Variants in NCOR1 observed in about 807,000 individuals in gnomAD.
NCOR1 encodes nuclear receptor corepressor 1.
NCOR1 carries 63 observed loss-of-function variants against 288.1 expected under a neutral mutation model. That is an observed-to-expected ratio of 0.22 (90% confidence interval 0.18 to 0.27). NCOR1 has a LOEUF of 0.27. NCOR1 is among the 10% of genes least tolerant of loss of function. The pLI, the probability that NCOR1 is intolerant of heterozygous loss-of-function variation, is 1.00. For synonymous variants in NCOR1, 1,007 were observed against 1,065.9 expected (o/e 0.94, Z 1.08); for missense variants, 2,397 against 3,019.2 (o/e 0.79, Z 4.83).
At position 16,039,422 on chromosome 17, in the gene NCOR1, G is replaced by A. The variant is rs1289036454; in HGVS notation, c.6955+11C>T. The A allele has an allele frequency of 1.2e-6, 2 of 1,609,414 alleles. No homozygotes were observed. The highest frequency in any genetic ancestry group is 1.7e-5 in the Admixed American group (1 of 59,886). On this transcript the variant is annotated intron_variant, in intron 44 of 45. Transcript: ENST00000268712. ...AAAAGCAGCAGAAAAGCACTAAAAT[G>A]AAAGCTGTACCTGAATGAGGTGATG...
chr17:16,119,143 G>C (rs1347064272), intron 17 of NCOR1, among the ~76,000 whole-genome samples: 1 of 152,144 alleles, frequency 6.6e-6, no homozygotes, highest in Non-Finnish European at 1.5e-5. Flanking sequence ...CTAAAAAAGT[G>C]AAAACGACCT....
At chr17:16,092,138 T>C (rs1330745305) in intron 21 of NCOR1, 80 bp from the exon 22 acceptor site, 72 of 1,472,706 alleles carry the variant, frequency 4.9e-5, no homozygotes, top group Non-Finnish European at 2.8e-6. Flanking sequence ...GTAATGCTTA[T>C]TTCTGTCATG....
chr17:16,181,212 T>TGC (rs1491102678), intron 3 of NCOR1, among the ~76,000 whole-genome samples: 3 of 38,566 alleles, frequency 7.8e-5, no homozygotes, highest in African/African-American at 1.1e-4. Context: ...TATATATGTA[T>TGC]GTGTGTGTGT....
intron 1 of NCOR1, among the ~76,000 whole-genome samples, chr17:16,202,410 A>G (rs1402169030): frequency 1.3e-5 from 2 of 152,060 alleles, no homozygotes; most frequent in East Asian, 3.9e-4. Context: ...CAAAAAAAAA[A>G]AAAAAGAACA....
Position 16,127,358 on chromosome 17 carries a change from T to A in NCOR1, c.1510-1152A>T, listed in dbSNP as rs1474889487. Among the ~76,000 whole-genome samples, 2 of 141,816 alleles carry A rather than the reference T, an allele frequency of 1.4e-5. 1 individual carries two copies. Among genetic ancestry groups the A allele is most frequent in the Non-Finnish European group, 3.0e-5 (2 of 65,886 alleles). 93.0% of individuals were successfully genotyped at this position (141,816 alleles called of 152,430 possible). On this transcript the variant is annotated intron_variant, in intron 14 of 45. Coordinates refer to ENST00000268712, the MANE Select transcript of NCOR1 (RefSeq NM_006311.4). ...ATATACATGTATGTATATATGTATG[T>A]ATATATACATGTATGTATATATGTA...
At chr17:16,119,023 A>G (rs961575210) in intron 17 of NCOR1, among the ~76,000 whole-genome samples, 1 of 152,222 alleles carries the variant, frequency 6.6e-6, no homozygotes, top group African/African-American at 2.4e-5. Flanking sequence ...AAACTGACAA[A>G]AGTATTTACC....
At chr17:16,094,235 C>A (rs914425935) in intron 21 of NCOR1, among the ~76,000 whole-genome samples, 1 of 152,000 alleles carries the variant, frequency 6.6e-6, no homozygotes, top group Non-Finnish European at 1.5e-5. Flanking sequence ...CCGGTCCATA[C>A]GTTTTTTGAA....
At chr17:16,184,146 G>A (rs2086110666) in intron 3 of NCOR1, among the ~76,000 whole-genome samples, 1 of 152,194 alleles carries the variant, frequency 6.6e-6, no homozygotes, top group Admixed American at 6.5e-5. Context: ...AACGTAGGGA[G>A]AAAAGCTCTG....
chr17:16,050,734 T>TA (rs11459724), intron 40 of NCOR1, among the ~76,000 whole-genome samples: 87,754 of 151,898 alleles, frequency 0.58, 25,937 homozygotes, highest in African/African-American at 0.66. Flanking sequence ...CTTAAACATG[T>TA]TTTTTTTATT....
chr17:16,139,212 G>C, intron 11 of NCOR1, 26 bp from the exon 12 acceptor site: 2 of 1,593,882 alleles, frequency 1.3e-6, no homozygotes, highest in Non-Finnish European at 1.7e-6. Flanking sequence ...AATTTACTTA[G>C]AATAAAACAT....
intron 14 of NCOR1, among the ~76,000 whole-genome samples, chr17:16,131,337 T>G (rs1053569467): frequency 6.6e-6 from 1 of 152,140 alleles, no homozygotes; most frequent in Non-Finnish European, 1.5e-5. Flanking sequence ...GGTAAGTGTA[T>G]TTCAACATAA....
At chr17:16,197,231 G>A (rs575541410) in intron 1 of NCOR1, among the ~76,000 whole-genome samples, 13 of 151,544 alleles carry the variant, frequency 8.6e-5, no homozygotes, top group South Asian at 2.1e-4. Context: ...TGAGGCAGGA[G>A]AATCACTTGA....
At chr17:16,044,016 A>G (rs959430167) in intron 42 of NCOR1, among the ~76,000 whole-genome samples, 7 of 152,098 alleles carry the variant, frequency 4.6e-5, no homozygotes, top group African/African-American at 1.7e-4. Context: ...CTAAAAATAC[A>G]AAATTAGCCG....
At chr17:16,036,810 C>G (rs796787682) in intron 44 of NCOR1, among the ~76,000 whole-genome samples, 7 of 152,314 alleles carry the variant, frequency 4.6e-5, no homozygotes, top group African/African-American at 1.7e-4. Flanking sequence ...ATCCAGACCA[C>G]TAAAATCTTC....
Position 16,075,668 on chromosome 17 carries a change from G to A in NCOR1, c.3536C>T (p.Thr1179Ile). The change falls in exon 27 of 46, where the codon ACA becomes ATA. Residue 1179 changes from threonine (T) to isoleucine (I), a missense_variant. Physicochemically the swap from Thr to Ile is moderately conservative, Grantham distance 89 (BLOSUM62 -1). This residue lies in a region of NCOR1 where 1,872 missense variants were observed against 2,187.8 expected (regional missense o/e 0.86). Transcript: ENST00000268712. ...AATGGACCCCTTCACCAAAGCCTCT[G>A]TTGGTATGCCAGTCTGGGGCAGAGC... ...TPALPQTGIP[T>I]EALVKGSISR... 1 of 1,614,232 alleles carries A rather than the reference G, an allele frequency of 6.2e-7. No homozygotes were observed. The highest frequency in any genetic ancestry group is 1.3e-5 in the African/African-American group (1 of 75,052).
At chr17:16,145,026 C>G (rs906590520) in intron 10 of NCOR1, among the ~76,000 whole-genome samples, 2 of 152,194 alleles carry the variant, frequency 1.3e-5, no homozygotes, top group Non-Finnish European at 2.9e-5. Flanking sequence ...TCTCCTGCCT[C>G]GTGCCTGGGA....
In NCOR1 at chr17:16,186,443, T is replaced by C. The variant is rs1406113371; in HGVS notation, c.242+111A>G. On this transcript the variant is annotated intron_variant, in intron 3 of 45. Transcript: ENST00000268712. ...AAAAAAGAACTCAAAATGCAAACTATAAATGACCAGTCATGGCTTGGTTAA... is the reference window on the plus strand; with the variant it reads ...AAAAAAGAACTCAAAATGCAAACTACAAATGACCAGTCATGGCTTGGTTAA... 4 of 1,145,394 alleles carry C rather than the reference T, an allele frequency of 3.5e-6. No homozygotes were observed. In the African/African-American group the frequency reaches 4.8e-5, roughly 14 times the overall value. The allele number at this position is 1,145,394 out of a possible 1,614,324, so 71.0% of individuals were successfully genotyped here.
At position 16,139,112 on chromosome 17, in the gene NCOR1, C is replaced by T. The variant is rs988484273; in HGVS notation, c.1248G>A (p.Lys416=). 1 of 1,613,690 alleles carries T rather than the reference C, an allele frequency of 6.2e-7. No individual in the cohort carries two copies. The highest frequency in any genetic ancestry group is 1.7e-5 in the Admixed American group (1 of 60,008). The stretch of plus-strand genomic sequence containing the variant: ...CCATAAGCCCATTCATGTTAATGAA[C>T]TTGACTCGTCTTTGTTCTGCATCAA... ...MMFDAEQRRV[K]FINMNGLMED... The change falls in exon 12 of 46, where the codon AAG becomes AAA. Residue 416 remains lysine, a synonymous_variant. Transcript: ENST00000268712.
chr17:16,164,340 T>A (rs181901783), intron 5 of NCOR1, among the ~76,000 whole-genome samples: 1 of 151,882 alleles, frequency 6.6e-6, no homozygotes, highest in East Asian at 1.9e-4. Flanking sequence ...AGGCAAATCT[T>A]CTATACACAT....
Sources: allele counts gnomAD v4.1 joint callset (sites outside exome capture counted in the v4.1 genomes callset), GRCh38; gene constraint gnomAD v4.1.1; regional missense constraint gnomAD v4.1.1; transcripts MANE v1.5; gene names NCBI Gene and HGNC (gene_info 2026-07-23, HGNC 2026-07-21).